OTOG: variants seen among roughly 807,000 people sequenced by gnomAD.
OTOG encodes the protein otogelin.
Under a neutral mutation model 313.8 loss-of-function variants are expected in OTOG, and 296 were observed. The ratio of observed to expected loss-of-function variants is 0.94; its 90% CI spans 0.86 to 1.04. OTOG has a LOEUF of 1.04. OTOG is among the 50% of genes least tolerant of loss of function. The probability of loss-of-function intolerance (pLI) is 0.00; values close to 1 mark genes in which losing one functional copy is unlikely to be tolerated. For synonymous variants in OTOG, 1,533 were observed against 1,554.9 expected (o/e 0.99, Z 0.33); for missense variants, 3,948 against 3,840.1 (o/e 1.03, Z -0.74).
At chr11:17,547,695 C>T in intron 1 of OTOG, 2 of 751,126 alleles carry the variant, frequency 2.7e-6, no homozygotes, top group Non-Finnish European at 3.7e-6. Context: ...GGAAGAGACC[C>T]GAGGTGGGGA....
chr11:17,601,125 T>G (rs1298425162), intron 31 of OTOG, among the ~76,000 whole-genome samples: 1 of 152,232 alleles, frequency 6.6e-6, no homozygotes, highest in Non-Finnish European at 1.5e-5. Flanking sequence ...GTTAGCCATT[T>G]GCCAGCACAG....
intron 31 of OTOG, 142 bp from the exon 32 acceptor site, chr11:17,602,066 TGA>T (rs1297142314): frequency 1.1e-6 from 1 of 926,110 alleles, no homozygotes; most frequent in Admixed American, 2.8e-5. Context: ...TCAAGGTCCC[TGA>T]GATCTGGGAT....
chr11:17,595,845 C>A (rs1025002875), intron 28 of OTOG, among the ~76,000 whole-genome samples, 193 bp from the exon 29 acceptor site: 30 of 152,180 alleles, frequency 2.0e-4, no homozygotes, highest in African/African-American at 6.3e-4. Context: ...CACGTCCATC[C>A]CATCACCTGG....
chr11:17,580,954 G>A (rs1016695989), intron 23 of OTOG, among the ~76,000 whole-genome samples: 3 of 152,158 alleles, frequency 2.0e-5, no homozygotes, highest in Non-Finnish European at 4.4e-5. Flanking sequence ...TGATAATGGG[G>A]TAAAAAGGTA....
chr11:17,611,411 C>A lies in OTOG; in HGVS notation c.6111C>A (p.Ser2037=), dbSNP rs1349156746. ...CAACTACCACTGAGGCCAATACATC[C>A]ACCACCTGTGTTGTGAGTGATTTGC... ...ALATTTEANT[S]TTCVPIAEQD... Residue 2037 remains serine, a synonymous_variant, in exon 36 of 56, where the codon TCC becomes TCA. Coordinates refer to ENST00000399397, the MANE Select transcript of OTOG (RefSeq NM_001292063.2). 6.6e-7 allele frequency: 1 copy of A among 1,526,336 alleles called. No individual in the cohort carries two copies. The highest frequency in any genetic ancestry group is 1.2e-5 in the South Asian group (1 of 81,350). 94.5% of individuals were successfully genotyped at this position (1,526,336 alleles called of 1,614,324 possible). A position where few individuals can be genotyped will look rare whatever the true frequency, so the allele number is the denominator to read the frequency against.
At chr11:17,559,437 C>T in intron 11 of OTOG, 97 bp from the exon 12 acceptor site, 16 of 1,471,382 alleles carry the variant, frequency 1.1e-5, no homozygotes, top group Non-Finnish European at 1.3e-5. Flanking sequence ...AAATCAAAGC[C>T]CTCCCTCCCA....
intron 31 of OTOG, among the ~76,000 whole-genome samples, chr11:17,600,575 G>T (rs1045350015): frequency 6.6e-6 from 1 of 152,188 alleles, no homozygotes; most frequent in Non-Finnish European, 1.5e-5. Flanking sequence ...CCATCTGGGG[G>T]CCTGCGAGAT....
intron 16 of OTOG, 129 bp downstream of exon 16, chr11:17,569,417 T>G (rs1043431450): frequency 7.7e-7 from 1 of 1,300,190 alleles, no homozygotes; most frequent in African/African-American, 1.5e-5. Flanking sequence ...TAGATCAGGA[T>G]AGGGGACACT....
At chr11:17,645,539 C>A in intron 54 of OTOG, 25 bp from the exon 55 acceptor site, 1 of 1,548,224 alleles carries the variant, frequency 6.5e-7, no homozygotes, top group Non-Finnish European at 8.7e-7. Context: ...TTGGCCACAG[C>A]TGCCTCATCC....
intron 40 of OTOG, among the ~76,000 whole-genome samples, chr11:17,630,960 G>C (rs1036921978): frequency 6.6e-6 from 1 of 152,180 alleles, no homozygotes; most frequent in Admixed American, 6.5e-5. Flanking sequence ...GTTCCCAAAT[G>C]GATAGCAATG....
chr11:17,558,665 C>T lies in OTOG; in HGVS notation c.1103+21C>T, dbSNP rs754896032. 3.2e-5 allele frequency: 49 copies of T among 1,543,588 alleles called. No individual in the cohort carries two copies. In the African/African-American group the frequency reaches 6.6e-4, roughly 21 times the overall value. Reference sequence around the variant, plus strand: ...TGCCAGTGAGTAGGGGTGGTGTGGGCTATGGGGAACCCTCTAGTATTGGGG... The same window carrying T: ...TGCCAGTGAGTAGGGGTGGTGTGGGTTATGGGGAACCCTCTAGTATTGGGG... On this transcript the variant is annotated intron_variant, in intron 10 of 55. Coordinates refer to ENST00000399397, the MANE Select transcript of OTOG (RefSeq NM_001292063.2).
intron 22 of OTOG, 132 bp from the exon 23 acceptor site, chr11:17,578,241 T>C: frequency 2.2e-6 from 3 of 1,387,866 alleles, no homozygotes; most frequent in Non-Finnish European, 2.8e-6. Context: ...AACCAAGCAA[T>C]GCCCAGGAGC....
chr11:17,572,291 G>T (rs1005062404), intron 18 of OTOG, 87 bp downstream of exon 18: 1 of 1,505,800 alleles, frequency 6.6e-7, no homozygotes, highest in Admixed American at 2.1e-5. Context: ...CTCCGGGCAG[G>T]AGAGTGCTGG....
At chr11:17,622,790 C>T (rs1485103574) in intron 39 of OTOG, among the ~76,000 whole-genome samples, 2 of 152,302 alleles carry the variant, frequency 1.3e-5, no homozygotes, top group South Asian at 2.1e-4. Flanking sequence ...TCTTAGCTAT[C>T]GTGAACAGTG....
At chr11:17,640,047 G>GGATGATGGTGGTGGTGAAGAT (rs1847938356) in intron 49 of OTOG, among the ~76,000 whole-genome samples, 2 of 151,608 alleles carry the variant, frequency 1.3e-5, no homozygotes, top group Admixed American at 6.6e-5. Flanking sequence ...GGGAAGGTGA[G>GGATGATGGTGGTGGTGAAGAT]GATGATGGTG....
chr11:17,611,518 A>G, intron 36 of OTOG, 95 bp downstream of exon 36: 1 of 1,234,904 alleles, frequency 8.1e-7, no homozygotes, highest in Non-Finnish European at 1.1e-6. Context: ...CGCTATCCTC[A>G]TACCTGCCCC....
chr11:17,587,812 T>C (rs893515523), intron 24 of OTOG, among the ~76,000 whole-genome samples: 1 of 152,130 alleles, frequency 6.6e-6, no homozygotes, highest in African/African-American at 2.4e-5. Flanking sequence ...GTGACTGTGG[T>C]GAGCCAGAGC....
intron 5 of OTOG, 56 bp downstream of exon 5, chr11:17,553,267 G>C (rs1565088230): frequency 6.5e-7 from 1 of 1,535,710 alleles, no homozygotes; most frequent in East Asian, 2.5e-5. Flanking sequence ...GGGAAAGCTA[G>C]GGAGAAAGGG....
chr11:17,623,947 C>T (rs912244015), intron 39 of OTOG, among the ~76,000 whole-genome samples: 7 of 152,036 alleles, frequency 4.6e-5, no homozygotes, highest in African/African-American at 1.7e-4. Context: ...TATGTCTTCT[C>T]TTGAGAAGTG....
Sources: gnomAD v4.1 joint callset for allele counts (sites outside exome capture counted in the v4.1 genomes callset) on GRCh38, gnomAD v4.1.1 for gene constraint, MANE v1.5 for transcripts, NCBI Gene and HGNC (gene_info 2026-07-23, HGNC 2026-07-21) for gene names.